EP400: variants seen among roughly 807,000 people sequenced by gnomAD.
The protein encoded by EP400 is E1A binding protein p400.
Under a neutral mutation model 354.1 loss-of-function variants are expected in EP400, and 105 were observed. That is an observed-to-expected ratio of 0.30 (90% CI 0.25 to 0.35). The LOEUF is 0.35. Ranked by LOEUF, EP400 falls within the 10% of genes least tolerant of loss-of-function variation. EP400 has a pLI of 1.00. For missense variants in EP400, 3,280 were observed against 4,121.0 expected, an observed-to-expected ratio of 0.80 and a Z score of 5.59; for synonymous variants, 1,646 against 1,716.9, an observed-to-expected ratio of 0.96 and a Z score of 1.02.
intron 51 of EP400, among the ~76,000 whole-genome samples, chr12:132,069,882 A>T (rs1215614286): frequency 6.6e-6 from 1 of 152,132 alleles, no homozygotes; most frequent in Non-Finnish European, 1.5e-5. Context: ...GTCGATCTCC[A>T]GCTCTGTGGG....
chr12:132,012,619 AGT>A (rs996890062), intron 16 of EP400, among the ~76,000 whole-genome samples: 2 of 152,216 alleles, frequency 1.3e-5, no homozygotes, highest in Non-Finnish European at 2.9e-5. Flanking sequence ...GTTTTTAAAA[AGT>A]GTATAATGCA....
At chr12:132,069,976 A>C (rs1896022463) in intron 51 of EP400, among the ~76,000 whole-genome samples, 2 of 151,884 alleles carry the variant, frequency 1.3e-5, no homozygotes, top group Admixed American at 1.3e-4. Flanking sequence ...TTATTTTTTG[A>C]TATTTTTTGA....
chr12:132,011,804 G>T (rs186950894), intron 16 of EP400, among the ~76,000 whole-genome samples, 170 bp downstream of exon 16: 1 of 152,294 alleles, frequency 6.6e-6, no homozygotes, highest in East Asian at 1.9e-4. Flanking sequence ...AGACAATACC[G>T]CATCGGCCTG....
chr12:132,060,914 C>CAAAA (rs11305330), intron 45 of EP400, among the ~76,000 whole-genome samples: 1 of 110,434 alleles, frequency 9.1e-6, no homozygotes, highest in African/African-American at 3.6e-5. Flanking sequence ...GACTCCGTCT[C>CAAAA]AAAAAAAAAA....
chr12:132,031,507 G>A (rs1894494324), intron 29 of EP400: 1 of 407,384 alleles, frequency 2.5e-6, no homozygotes, highest in South Asian at 1.9e-5. Flanking sequence ...CCTTGGTGTT[G>A]CTTTAACATG....
intron 10 of EP400, 49 bp downstream of exon 10, chr12:131,991,505 TC>T: frequency 6.5e-7 from 1 of 1,538,912 alleles, no homozygotes; most frequent in Non-Finnish European, 9.0e-7. Flanking sequence ...TAGAAGCAGC[TC>T]CAGTAGAGTG....
chr12:132,065,367 C>G (rs1895855846), intron 48 of EP400: 1 of 161,056 alleles, frequency 6.2e-6, no homozygotes, highest in African/African-American at 2.4e-5. Context: ...AAGACTGGCT[C>G]TCAGCAGGTG....
At chr12:131,957,889 C>A (rs1263892067) in intron 1 of EP400, among the ~76,000 whole-genome samples, 1 of 152,180 alleles carries the variant, frequency 6.6e-6, no homozygotes, top group Admixed American at 6.5e-5. Flanking sequence ...AGCCACCAGA[C>A]CCCACCATGT....
At chr12:132,066,728 C>T (rs375565191) in intron 48 of EP400, 46 bp from the exon 49 acceptor site, 12 of 1,562,270 alleles carry the variant, frequency 7.7e-6, no homozygotes, top group African/African-American at 4.1e-5. Context: ...AAAGACATAC[C>T]GTGTCCTGAA....
chr12:132,076,529 C>G lies in EP400; in HGVS notation c.9035C>G (p.Pro3012Arg). 1 of 1,614,088 alleles carries G rather than the reference C, an allele frequency of 6.2e-7. No individual in the cohort carries two copies. Among genetic ancestry groups the G allele is most frequent in the Non-Finnish European group, 8.5e-7 (1 of 1,180,006 alleles). ...GTTTTGTCAAAGGTTGCAAAACTTC[C>G]TCAAGTTGTTCAACAGCAAACACCC... ...VQTQIQVAKL[P>R]QVVQQQTPVA... The change falls in exon 52 of 53, where the codon CCT becomes CGT. Residue 3012 changes from proline to arginine, a missense_variant. Transcript: ENST00000389561.
At chr12:132,062,435 G>C (rs909714436) in intron 46 of EP400, 31 bp from the exon 47 acceptor site, 1 of 1,612,742 alleles carries the variant, frequency 6.2e-7, no homozygotes, top group Non-Finnish European at 8.5e-7. Flanking sequence ...GAGTATCCCT[G>C]TCCAGACCTA....
rs541842929 is a variant in EP400, at chr12:132,017,310, C to T, written c.3924-225C>T. ...TGAAGTGGAGTGGCTGTCTTTCCGTCAGCTCTGGTGGGGCGGATGTCATTC... is the reference window on the plus strand; with the variant it reads ...TGAAGTGGAGTGGCTGTCTTTCCGTTAGCTCTGGTGGGGCGGATGTCATTC... On this transcript the variant is annotated intron_variant, in intron 19 of 52. Transcript: ENST00000389561. This position sits in a 1 kb window ranked among gnomAD's most constrained non-coding sequence, Gnocchi z 5.0. Among the ~76,000 whole-genome samples the T allele has an allele frequency of 3.3e-5, 5 of 152,292 alleles. No individual in the cohort carries two copies. The East Asian group carries it at 9.6e-4, about 29-fold the overall frequency.
At chr12:132,049,555 G>C (rs1003534084) in intron 39 of EP400, among the ~76,000 whole-genome samples, 1 of 152,164 alleles carries the variant, frequency 6.6e-6, no homozygotes, top group Admixed American at 6.5e-5. Context: ...CTGTGCTGCT[G>C]TGTCATGTGA....
At chr12:132,033,674 G>A (rs997804777) in intron 30 of EP400, among the ~76,000 whole-genome samples, 1 of 151,870 alleles carries the variant, frequency 6.6e-6, no homozygotes, top group Non-Finnish European at 1.5e-5. Context: ...TGGGACTACA[G>A]GTGTGCAGTA....
chr12:131,991,073 G>A lies in EP400; in HGVS notation c.2630-334G>A, dbSNP rs143955401. On this transcript the variant is annotated intron_variant, in intron 9 of 52. Transcript: ENST00000389561. ...GTTTCTTCGGCAGCTGCCTCCGCTC[G>A]TTATGTGCCACTCCACTTAGGATGT... 5.9e-3 allele frequency among the ~76,000 whole-genome samples: 895 copies of A among 152,238 alleles called. 19 individuals carry two copies. The highest frequency in any genetic ancestry group is 0.042 in the Admixed American group (640 of 15,286).
At position 132,062,342 on chromosome 12, in the gene EP400, C is replaced by A. The variant is rs1895723293; in HGVS notation, c.8098+19C>A. The A allele has an allele frequency of 1.2e-6, 2 of 1,613,482 alleles. No individual in the cohort carries two copies. Among genetic ancestry groups the A allele is most frequent in the African/African-American group, 2.7e-5 (2 of 74,916 alleles). On this transcript the variant is annotated intron_variant, in intron 46 of 52. Coordinates refer to ENST00000389561, the MANE Select transcript of EP400 (RefSeq NM_015409.5). ...TCCCAAGGTAAAGCCAGGCTGGGAG[C>A]TTTCTCTGCCACACGTCTGCTCTGG...
Position 132,050,272 on chromosome 12 carries a change from C to T in EP400, c.7201-51C>T, listed in dbSNP as rs371473643. 146 of 1,602,354 alleles carry T rather than the reference C, an allele frequency of 9.1e-5. 1 individual carries two copies. Among genetic ancestry groups the T allele is most frequent in the African/African-American group, 8.6e-4 (64 of 74,842 alleles). On this transcript the variant is annotated intron_variant, in intron 39 of 52. Transcript: ENST00000389561. The surrounding 1 kb of genome is among the most constrained non-coding windows in gnomAD (Gnocchi z 4.8). ...CAGTGAGCCCTGTGTCCCACGCAGC[C>T]GTCTGTCCATGCTGCCTAATTCAGA...
intron 22 of EP400, 24 bp downstream of exon 22, chr12:132,020,242 T>A: frequency 6.4e-7 from 1 of 1,571,470 alleles, no homozygotes; most frequent in Non-Finnish European, 8.6e-7. Context: ...AGTTGTCTGC[T>A]CTCCGCCTTA....
intron 45 of EP400, among the ~76,000 whole-genome samples, chr12:132,059,042 T>A (rs556785051): frequency 6.6e-6 from 1 of 152,036 alleles, no homozygotes; most frequent in African/African-American, 2.4e-5. Context: ...GATAAAAATT[T>A]TTAAAGCTTC....
Sources: gnomAD v4.1 joint callset for allele counts (sites outside exome capture counted in the v4.1 genomes callset) on GRCh38, gnomAD v4.1.1 for gene constraint, Gnocchi (gnomAD v3.1) non-coding constraint, MANE v1.5 for transcripts, NCBI Gene and HGNC (gene_info 2026-07-23, HGNC 2026-07-21) for gene names.